The following MADD variants were observed in gnomAD, a reference collection of about 807,000 sequenced individuals.
The protein encoded by MADD is MAP kinase activating death domain, also known as MAP kinase-activating death domain protein.
A neutral mutation model predicts 176.7 loss-of-function variants in MADD; 109 were observed. That is an observed-to-expected ratio of 0.62 (90% CI 0.53 to 0.72). The LOEUF is 0.72. Among genes scored for constraint, MADD ranks in the 30% least tolerant of loss-of-function variants. The probability of loss-of-function intolerance (pLI) is 0.00; values close to 1 mark genes in which losing one functional copy is unlikely to be tolerated. For synonymous variants in MADD, 771 were observed against 771.3 expected (o/e 1.00, Z 0.01); for missense variants, 1,914 against 2,045.5 (o/e 0.94, Z 1.24).
At chr11:47,303,459 C>T (rs1407690800) in intron 22 of MADD, among the ~76,000 whole-genome samples, 3 of 152,050 alleles carry the variant, frequency 2.0e-5, no homozygotes, top group African/African-American at 7.2e-5. Flanking sequence ...AGGATGGTCT[C>T]GATCTCCTGA....
chr11:47,307,374 C>T (rs1284783892), intron 22 of MADD, among the ~76,000 whole-genome samples: 2 of 152,162 alleles, frequency 1.3e-5, no homozygotes, highest in Non-Finnish European at 2.9e-5. Flanking sequence ...CGTATTTGTT[C>T]TATGCTGGTG....
exon 23 of MADD, chr11:47,308,609 A>C (rs774057933): frequency 6.2e-7 from 1 of 1,613,954 alleles, no homozygotes; most frequent in South Asian, 1.1e-5. Context: ...CCACAGCTTG[A>C]AGCCAAGCAT....
chr11:47,274,156 C>A (rs1395187605), intron 2 of MADD, among the ~76,000 whole-genome samples, 180 bp downstream of exon 2: 1 of 152,182 alleles, frequency 6.6e-6, no homozygotes. Context: ...AAAGCAAAAC[C>A]CTGCTCTTAA....
intron 27 of MADD, among the ~76,000 whole-genome samples, chr11:47,319,600 T>G (rs2093986905): frequency 6.6e-6 from 1 of 152,256 alleles, no homozygotes; most frequent in African/African-American, 2.4e-5. Context: ...GAGTTTTATG[T>G]GACTCCTTTC....
intron 30 of MADD, chr11:47,324,919 A>G (rs762639739): frequency 1.5e-5 from 9 of 599,218 alleles, no homozygotes; most frequent in Non-Finnish European, 2.4e-5. Context: ...TATTCCCAGG[A>G]TATGCTTCTG....
intron 22 of MADD, among the ~76,000 whole-genome samples, chr11:47,299,290 C>T (rs2075673060): frequency 6.6e-6 from 1 of 152,040 alleles, no homozygotes; most frequent in African/African-American, 2.4e-5. Context: ...TTCGTCCAAT[C>T]CATGAACATG....
intron 15 of MADD, among the ~76,000 whole-genome samples, chr11:47,286,768 T>C (rs1409360680): frequency 6.6e-6 from 1 of 152,206 alleles, no homozygotes; most frequent in Non-Finnish European, 1.5e-5. Context: ...ACTGTGGGAT[T>C]ACTGCTGCTT....
At chr11:47,301,352 A>G (rs750755502) in intron 22 of MADD, among the ~76,000 whole-genome samples, 8 of 152,120 alleles carry the variant, frequency 5.3e-5, no homozygotes, top group Non-Finnish European at 1.0e-4. Flanking sequence ...TCCTGGCCTA[A>G]GGTGATCCAC....
intron 31 of MADD, chr11:47,327,100 G>A: frequency 8.8e-7 from 1 of 1,134,958 alleles, no homozygotes; most frequent in African/African-American, 1.6e-5. Flanking sequence ...GGGCCAGCCA[G>A]TGGTCAGAAA....
chr11:47,294,356 A>AAAT, intron 20 of MADD, among the ~76,000 whole-genome samples: 1 of 117,854 alleles, frequency 8.5e-6, no homozygotes, highest in African/African-American at 3.7e-5. Context: ...CTCAAAAAAA[A>AAAT]AAAAAAATAA....
At position 47,302,184 on chromosome 11, in the gene MADD, T is replaced by C. The variant is rs550535616; in HGVS notation, c.3642+6129T>C. 2.0e-5 allele frequency among the ~76,000 whole-genome samples: 3 copies of C among 152,298 alleles called. No homozygotes were observed. The South Asian group carries it at 6.2e-4, about 32-fold the overall frequency. On this transcript the variant is annotated intron_variant, in intron 22 of 32. Transcript: ENST00000402192. ...CAATTGTTATATCCTCTTATTGTTA[T>C]TACATAATTACTTTCTTTGTCTCTT... is the stretch of plus-strand genomic sequence containing the variant.
At chr11:47,279,145 C>A in intron 7 of MADD, 66 bp downstream of exon 7, 2 of 1,472,138 alleles carry the variant, frequency 1.4e-6, no homozygotes, top group African/African-American at 1.4e-5. Flanking sequence ...AAGAAGACAG[C>A]TATTCTCAGA....
chr11:47,276,253 C>T, intron 4 of MADD, 51 bp downstream of exon 4: 1 of 1,516,172 alleles, frequency 6.6e-7, no homozygotes, highest in Non-Finnish European at 8.9e-7. Context: ...CTTAAATATG[C>T]CAGTGGCCAG....
intron 22 of MADD, among the ~76,000 whole-genome samples, chr11:47,298,255 T>C (rs1247027448): frequency 6.6e-6 from 1 of 152,280 alleles, no homozygotes; most frequent in African/African-American, 2.4e-5. Context: ...GGAAAATTAC[T>C]TCTCTTCGCT....
chr11:47,296,767 T>G (rs543541957), intron 22 of MADD, among the ~76,000 whole-genome samples: 130 of 147,792 alleles, frequency 8.8e-4, no homozygotes, highest in African/African-American at 2.4e-3. Flanking sequence ...TTTTGTTGTT[T>G]TTTTTTTTTT....
chr11:47,307,736 T>C (rs1292032297), intron 22 of MADD, among the ~76,000 whole-genome samples: 1 of 152,124 alleles, frequency 6.6e-6, no homozygotes, highest in Non-Finnish European at 1.5e-5. Flanking sequence ...TGGTGCAATC[T>C]TGGCTCACTG....
intron 7 of MADD, among the ~76,000 whole-genome samples, chr11:47,281,123 C>T (rs2056311661): frequency 1.3e-5 from 2 of 152,196 alleles, no homozygotes; most frequent in South Asian, 4.1e-4. Flanking sequence ...CCCCATTGAG[C>T]CTCTGAGGGG....
chr11:47,312,118 G>C, intron 26 of MADD, among the ~76,000 whole-genome samples: 1 of 152,206 alleles, frequency 6.6e-6, no homozygotes, highest in East Asian at 1.9e-4. Context: ...GGTTACATTT[G>C]CACTGATGGT....
At position 47,328,468 on chromosome 11, in the gene MADD, C is replaced by A. The variant is rs2095698010; in HGVS notation, c.4613-190C>A. ...GCTGAGGAGGCTAGGGCCATGTCCT[C>A]CCAGCTGGCAGAGTCTGGACAGAGC... On this transcript the variant is annotated intron_variant, in intron 31 of 32. Transcript: ENST00000402192. The A allele has an allele frequency of 3.4e-6, 5 of 1,455,534 alleles. No homozygotes were observed. In the Admixed American group the frequency reaches 1.3e-4, roughly 38 times the overall value. 90.2% of individuals were successfully genotyped at this position (1,455,534 alleles called of 1,614,324 possible). A position where few individuals can be genotyped will look rare whatever the true frequency, so the allele number is the denominator to read the frequency against.
Sources: gnomAD v4.1 joint callset for allele counts (sites outside exome capture counted in the v4.1 genomes callset) on GRCh38, gnomAD v4.1.1 for gene constraint, MANE v1.5 for transcripts, NCBI Gene and HGNC (gene_info 2026-07-23, HGNC 2026-07-21) for gene names.